Variants in PAK4 observed in about 807,000 individuals in gnomAD.
PAK4 encodes the protein serine/threonine-protein kinase PAK 4.
PAK4 carries 49 observed loss-of-function variants against 53.5 expected under a neutral mutation model. That is an observed-to-expected ratio of 0.92 (90% CI 0.73 to 1.16). The LOEUF (loss-of-function observed/expected upper bound fraction) is 1.16, where lower values mean the gene tolerates loss of function less well. Among genes scored for constraint, PAK4 ranks in the 50% most tolerant of loss-of-function variants. The pLI, the probability that PAK4 is intolerant of heterozygous loss-of-function variation, is 0.00. For synonymous variants in PAK4, 376 were observed against 375.6 expected (o/e 1.00, Z -0.01); for missense variants, 824 against 850.7 (o/e 0.97, Z 0.39).
At chr19:39,172,846 T>C in intron 2 of PAK4, 72 bp from the exon 4 acceptor site, 3 of 1,272,036 alleles carry the variant, frequency 2.4e-6, no homozygotes, top group East Asian at 5.1e-5. Context: ...GTCCTGTCCC[T>C]GCGTGTCGGA....
chr19:39,145,029 C>T (rs1169971314), intron 1 of PAK4, among the ~76,000 whole-genome samples: 2 of 152,182 alleles, frequency 1.3e-5, no homozygotes, highest in African/African-American at 2.4e-5. Context: ...ACAGGCATCA[C>T]CAGCTCCCTG....
chr19:39,174,061 C>G, intron 4 of PAK4, 51 bp downstream of exon 5: 1 of 1,135,952 alleles, frequency 8.8e-7, no homozygotes, highest in South Asian at 1.5e-5. Context: ...CCCCTCCCTC[C>G]CACCCTCCCT....
chr19:39,131,136 G>A (rs1037764630), intron 1 of PAK4, among the ~76,000 whole-genome samples: 2 of 152,154 alleles, frequency 1.3e-5, no homozygotes, highest in African/African-American at 4.8e-5. Flanking sequence ...AGCAGGCAGT[G>A]GCAGAGGTAG....
In PAK4 at chr19:39,173,819, C is replaced by G; in HGVS notation, c.907C>G (p.Gln303Glu). The G allele has an allele frequency of 1.2e-6, 2 of 1,612,082 alleles. No homozygotes were observed. The highest frequency in any genetic ancestry group is 1.7e-6 in the Non-Finnish European group (2 of 1,179,686). The stretch of plus-strand genomic sequence containing the variant: ...GGAGCCACAGCGAGTATCCCATGAG[C>G]AGTTCCGGGCTGCCCTGCAGCTGGT... Residue 303 changes from glutamine (Q) to glutamate (E), a missense_variant, in exon 4 of 9, where the codon CAG becomes GAG. This residue lies in a region of PAK4 where 346 missense variants were observed against 415.0 expected (regional missense o/e 0.83). Coordinates refer to ENST00000358301, the Ensembl canonical transcript of PAK4. The surrounding 1 kb of genome is among the most constrained non-coding windows in gnomAD (Gnocchi z 6.9).
Position 39,175,342 on chromosome 19 carries a change from C to T in PAK4, c.1263C>T (p.Cys421=), listed in dbSNP as rs777069845. ...ACGAGGAGCAGATCGCGGCCGTGTG[C>T]CTTGCAGTGCTGCAGGCCCTGTCGG... Residue 421 remains cysteine (C), a synonymous_variant, in exon 6 of 9, where the codon TGC becomes TGT. Transcript: ENST00000358301. The surrounding 1 kb of genome is among the most constrained non-coding windows in gnomAD (Gnocchi z 4.7). 1.3e-6 allele frequency: 2 copies of T among 1,598,686 alleles called. No individual in the cohort carries two copies. The highest frequency in any genetic ancestry group is 2.3e-5 in the South Asian group (2 of 88,488).
chr19:39,174,981 C>T (rs146831773), exon 5 of PAK4: 8 of 1,613,994 alleles, frequency 5.0e-6, no homozygotes, highest in South Asian at 1.1e-5. Flanking sequence ...AGATGTACAA[C>T]AGCTACCTGG....
chr19:39,150,710 T>TCACTACGTTGTGAGCTTGTTA, intron 1 of PAK4, among the ~76,000 whole-genome samples: 1 of 152,210 alleles, frequency 6.6e-6, no homozygotes, highest in African/African-American at 2.4e-5. Flanking sequence ...GACAACGTAG[T>TCACTACGTTGTGAGCTTGTTA]GAGACCTTGT....
chr19:39,155,107 G>T (rs551503490), intron 1 of PAK4, among the ~76,000 whole-genome samples: 30 of 152,170 alleles, frequency 2.0e-4, no homozygotes, highest in African/African-American at 6.5e-4. Context: ...GTGCCGGGGC[G>T]CTTGCTCACT....
chr19:39,175,265 C>A lies in PAK4; in HGVS notation c.1233-47C>A. Reference sequence around the variant, plus strand: ...GCAGGGCTGCGTCCCCCTCGGCACCCCGGGGTGCTGTCCAGCTGGCTGCTC... The same window carrying A: ...GCAGGGCTGCGTCCCCCTCGGCACCACGGGGTGCTGTCCAGCTGGCTGCTC... On this transcript the variant is annotated intron_variant, in intron 5 of 8. Transcript: ENST00000358301. This position sits in a 1 kb window ranked among gnomAD's most constrained non-coding sequence, Gnocchi z 4.7. 6.5e-7 allele frequency: 1 copy of A among 1,543,844 alleles called. No homozygotes were observed. The highest frequency in any genetic ancestry group is 1.2e-5 in the South Asian group (1 of 84,652).
intron 1 of PAK4, chr19:39,135,324 C>CTTTTTTTTT (rs559171888): frequency 3.4e-5 from 3 of 88,366 alleles, no homozygotes; most frequent in African/African-American, 9.8e-5. Context: ...AGTGCTTATT[C>CTTTTTTTTT]TTTTTTTTTT....
chr19:39,164,947 C>CT (rs1053596515), intron 1 of PAK4, among the ~76,000 whole-genome samples: 4 of 151,908 alleles, frequency 2.6e-5, no homozygotes, highest in African/African-American at 9.7e-5. Context: ...TTTTAAGCAT[C>CT]TTTCCTGCTG....
intron 1 of PAK4, among the ~76,000 whole-genome samples, chr19:39,156,190 G>A (rs1336337819): frequency 6.6e-6 from 1 of 152,144 alleles, no homozygotes; most frequent in African/African-American, 2.4e-5. Flanking sequence ...AGCCCATGCT[G>A]GGCACTTGCT....
At chr19:39,158,724 C>G (rs1256327346) in intron 1 of PAK4, among the ~76,000 whole-genome samples, 1 of 152,278 alleles carries the variant, frequency 6.6e-6, no homozygotes, top group South Asian at 2.1e-4. Context: ...GAGCCACACT[C>G]TCTGCGCTGG....
chr19:39,130,499 A>C (rs2073687889), intron 1 of PAK4, among the ~76,000 whole-genome samples: 1 of 151,998 alleles, frequency 6.6e-6, no homozygotes, highest in Non-Finnish European at 1.5e-5. Flanking sequence ...AGGTGGAAAG[A>C]ATGTAACAGG....
Position 39,175,319 on chromosome 19 carries a change from G to A in PAK4, c.1240G>A (p.Glu414Lys), listed in dbSNP as rs1313402397. The A allele has an allele frequency of 5.7e-6, 9 of 1,582,342 alleles. No homozygotes were observed. Among genetic ancestry groups the A allele is most frequent in the African/African-American group, 1.3e-5 (1 of 74,610 alleles). The change falls in exon 6 of 9, where the codon GAG (glutamate) becomes AAG (lysine). Residue 414 changes from glutamate (E) to lysine (K), a missense_variant. By Grantham distance (56) the Glu-to-Lys change is moderately conservative (BLOSUM62 1). Coordinates refer to ENST00000358301, the Ensembl canonical transcript of PAK4. The surrounding 1 kb of genome is among the most constrained non-coding windows in gnomAD (Gnocchi z 4.7). ...CCCCACCCCACCCCGCAGGATGAACGAGGAGCAGATCGCGGCCGTGTGCCT... is the reference window on the plus strand; with the variant it reads ...CCCCACCCCACCCCGCAGGATGAACAAGGAGCAGATCGCGGCCGTGTGCCT...
At chr19:39,150,003 A>G (rs1296729022) in intron 1 of PAK4, among the ~76,000 whole-genome samples, 1 of 152,196 alleles carries the variant, frequency 6.6e-6, no homozygotes, top group African/African-American at 2.4e-5. Flanking sequence ...TTGAATATAG[A>G]TGGTGGTGAT....
intron 7 of PAK4, 122 bp downstream of exon 8, chr19:39,176,837 A>G: frequency 8.7e-7 from 1 of 1,153,394 alleles, no homozygotes; most frequent in Non-Finnish European, 1.2e-6. Flanking sequence ...GGTGCTCTGG[A>G]CAAGGAGGTA....
intron 1 of PAK4, among the ~76,000 whole-genome samples, chr19:39,155,309 G>A (rs1464130323): frequency 6.6e-6 from 1 of 152,208 alleles, no homozygotes; most frequent in East Asian, 1.9e-4. Flanking sequence ...TGCCTGGTAT[G>A]TGCCTGGAGC....
Position 39,152,840 on chromosome 19 carries a change from T to C in PAK4, c.-22-16692T>C, listed in dbSNP as rs112385008. Among the ~76,000 whole-genome samples the C allele has an allele frequency of 4.9e-3, 746 of 152,304 alleles. 6 individuals are homozygous for C. Among genetic ancestry groups the C allele is most frequent in the African/African-American group, 0.017 (686 of 41,560 alleles). Reference sequence around the variant, plus strand: ...TAAGGGGAACTGCTGTATATATAGTTGGCCCTGGGTATCATGGGCCCTCAG... The same window carrying C: ...TAAGGGGAACTGCTGTATATATAGTCGGCCCTGGGTATCATGGGCCCTCAG... On this transcript the variant is annotated intron_variant, in intron 1 of 8. Transcript: ENST00000358301.
Sources: gnomAD v4.1 joint callset for allele counts (sites outside exome capture counted in the v4.1 genomes callset) on GRCh38, gnomAD v4.1.1 for gene constraint, gnomAD v4.1.1 regional missense constraint, Gnocchi (gnomAD v3.1) non-coding constraint, MANE v1.5 for transcripts, NCBI Gene and HGNC (gene_info 2026-07-23, HGNC 2026-07-21) for gene names.